RHBDD1: variants seen among roughly 807,000 people sequenced by gnomAD.
RHBDD1 encodes rhomboid-related protein 4.
RHBDD1 carries 38 observed loss-of-function variants against 36.3 expected under a neutral mutation model. The ratio of observed to expected loss-of-function variants is 1.05; its 90% CI spans 0.81 to 1.37. The LOEUF (loss-of-function observed/expected upper bound fraction) is 1.37, where lower values mean the gene tolerates loss of function less well. RHBDD1 is among the 40% of genes most tolerant of loss of function. RHBDD1 has a pLI of 0.00. For synonymous variants in RHBDD1, 151 were observed against 136.5 expected, an observed-to-expected ratio of 1.11 and a Z score of -0.74; for missense variants, 393 against 377.6, an observed-to-expected ratio of 1.04 and a Z score of -0.34.
intron 8 of RHBDD1, among the ~76,000 whole-genome samples, chr2:226,929,650 A>G (rs1224335900): frequency 1.3e-5 from 2 of 152,252 alleles, no homozygotes; most frequent in African/African-American, 2.4e-5. Context: ...AGTCCTAGCT[A>G]GAGCAGTCAG....
At chr2:226,988,565 G>A in intron 8 of RHBDD1, 3 of 1,390,596 alleles carry the variant, frequency 2.2e-6, no homozygotes, top group Non-Finnish European at 2.8e-6. Flanking sequence ...GACTGGTGTG[G>A]AATCTGCATC....
chr2:226,969,251 T>C (rs913595238), intron 8 of RHBDD1: 2 of 152,102 alleles, frequency 1.3e-5, no homozygotes, highest in African/African-American at 4.8e-5. Context: ...CTAAAATTTG[T>C]GTTTTTAAGA....
At chr2:226,858,138 TAAG>T (rs1943512421) in intron 3 of RHBDD1, among the ~76,000 whole-genome samples, 1 of 152,212 alleles carries the variant, frequency 6.6e-6, no homozygotes. Flanking sequence ...GTTTGAGTGA[TAAG>T]AAGCCTCTTG....
intron 8 of RHBDD1, chr2:226,988,435 A>C: frequency 6.5e-7 from 1 of 1,550,340 alleles, no homozygotes; most frequent in Non-Finnish European, 8.7e-7. Flanking sequence ...AGCAGGCCGC[A>C]GTTTGGACCT....
intron 3 of RHBDD1, among the ~76,000 whole-genome samples, chr2:226,848,628 C>T (rs1942476436): frequency 6.6e-6 from 1 of 152,150 alleles, no homozygotes; most frequent in Non-Finnish European, 1.5e-5. Context: ...CAGCCAAGAT[C>T]AGCTTACCAG....
intron 8 of RHBDD1, among the ~76,000 whole-genome samples, chr2:226,930,776 C>T (rs566366398): frequency 4.0e-5 from 6 of 151,630 alleles, no homozygotes; most frequent in East Asian, 1.9e-4. Context: ...ACAATGAATT[C>T]GAACAAATCA....
At chr2:226,812,784 T>G in the RHBDD1 span, among the ~76,000 whole-genome samples, 24 of 152,360 alleles carry the variant, frequency 1.6e-4, no homozygotes, top group African/African-American at 5.8e-4. Flanking sequence ...TGTTTTGTTT[T>G]GTTAAAGACA....
the RHBDD1 span, among the ~76,000 whole-genome samples, chr2:226,808,945 G>A: frequency 3.2e-4 from 48 of 152,284 alleles, no homozygotes; most frequent in East Asian, 8.9e-3. Context: ...TGGGGAAGAT[G>A]GGGGAAGATC....
intron 8 of RHBDD1, among the ~76,000 whole-genome samples, chr2:226,982,744 G>T (rs1359924538): frequency 6.6e-6 from 1 of 152,174 alleles, no homozygotes; most frequent in African/African-American, 2.4e-5. Context: ...CCCTAATGGT[G>T]TGTTAGCTTG....
At chr2:226,946,092 G>T (rs1232321387) in intron 8 of RHBDD1, among the ~76,000 whole-genome samples, 1 of 151,360 alleles carries the variant, frequency 6.6e-6, no homozygotes, top group Non-Finnish European at 1.5e-5. Context: ...CTCCCATCAT[G>T]TAGGTTGCCT....
At chr2:226,850,503 C>G (rs928792902) in intron 3 of RHBDD1, among the ~76,000 whole-genome samples, 1 of 152,038 alleles carries the variant, frequency 6.6e-6, no homozygotes, top group African/African-American at 2.4e-5. Context: ...CCCAGTTAAT[C>G]TGGAGTTTTG....
chr2:226,906,536 AG>A (rs1948066749), intron 5 of RHBDD1, among the ~76,000 whole-genome samples: 1 of 152,346 alleles, frequency 6.6e-6, no homozygotes, highest in South Asian at 2.1e-4. Context: ...ACTGCTCTGG[AG>A]GAGACAACCC....
At chr2:226,970,526 C>T (rs553432128) in intron 8 of RHBDD1, among the ~76,000 whole-genome samples, 2 of 152,126 alleles carry the variant, frequency 1.3e-5, no homozygotes, top group African/African-American at 2.4e-5. Flanking sequence ...CCAGAGGGCA[C>T]GGAAGCAGCC....
intron 8 of RHBDD1, among the ~76,000 whole-genome samples, chr2:226,969,394 CTTTTTTT>C (rs77924848): frequency 8.7e-6 from 1 of 115,526 alleles, no homozygotes; most frequent in Non-Finnish European, 1.7e-5. Flanking sequence ...ACAGCTCAGC[CTTTTTTT>C]TTTTTTTTTT....
chr2:226,908,874 T>C lies in RHBDD1; in HGVS notation c.708T>C (p.Ser236=). ...GYPGRQYYFN[S]SGSSGYQDYY... ...CAGGACGGCAATACTACTTTAATAG[T>C]TCAGGTAGGCACTGTATTTCATTTA... The change falls in exon 7 of 9, where the codon AGT becomes AGC. Residue 236 remains serine, a synonymous_variant. Coordinates refer to ENST00000392062, the MANE Select transcript of RHBDD1 (RefSeq NM_001167608.3). 4 of 1,585,232 alleles carry C rather than the reference T, an allele frequency of 2.5e-6. No homozygotes were observed. The highest frequency in any genetic ancestry group is 3.5e-6 in the Non-Finnish European group (4 of 1,153,788).
chr2:226,803,923 G>C, the RHBDD1 span: 2 of 152,240 alleles, frequency 1.3e-5, no homozygotes, highest in Admixed American at 1.3e-4. Context: ...GTCAAGGGCA[G>C]TCTGAGGCAG....
Position 226,982,989 on chromosome 2 carries a change from GCATAA to G in RHBDD1, c.857-12440_857-12436del, listed in dbSNP as rs146532938. 5.8e-3 allele frequency among the ~76,000 whole-genome samples: 885 copies of G among 152,332 alleles called. 8 individuals carry two copies. Among genetic ancestry groups the G allele is most frequent in the African/African-American group, 0.021 (861 of 41,572 alleles). Reference sequence around the variant, plus strand: ...TCTACATCATCCAAGGTTGAGCATAGCATAACCTAGGAAACTACCAGTCTTTGACT... The same window carrying G: ...TCTACATCATCCAAGGTTGAGCATAGCCTAGGAAACTACCAGTCTTTGACT... On this transcript the variant is annotated intron_variant, in intron 8 of 8. Coordinates refer to ENST00000392062, the MANE Select transcript of RHBDD1 (RefSeq NM_001167608.3).
Position 226,914,355 on chromosome 2 carries a change from G to A in RHBDD1, c.856+4G>A. ...CAAGCCAGCCTCTGGGACCGAGGTAGGAGTCTTGCGCCCTTCAGTTATTTT... is the reference window on the plus strand; with the variant it reads ...CAAGCCAGCCTCTGGGACCGAGGTAAGAGTCTTGCGCCCTTCAGTTATTTT... On this transcript the variant is annotated splice_donor_region_variant and intron_variant, in intron 8 of 8. Transcript: ENST00000392062. The A allele has an allele frequency of 6.2e-7, 1 of 1,612,570 alleles. No homozygotes were observed. Among genetic ancestry groups the A allele is most frequent in the Non-Finnish European group, 8.5e-7 (1 of 1,179,186 alleles).
intron 5 of RHBDD1, among the ~76,000 whole-genome samples, chr2:226,896,779 A>G (rs982576509): frequency 6.6e-5 from 10 of 151,912 alleles, no homozygotes; most frequent in African/African-American, 1.2e-4. Flanking sequence ...CCCTGTGCCC[A>G]TATTTCTTGC....
Sources: allele counts gnomAD v4.1 joint callset (sites outside exome capture counted in the v4.1 genomes callset), GRCh38; gene constraint gnomAD v4.1.1; transcripts MANE v1.5; gene names NCBI Gene and HGNC (gene_info 2026-07-23, HGNC 2026-07-21).